PTPRQ: variants seen among roughly 807,000 people sequenced by gnomAD.
PTPRQ encodes the protein phosphatidylinositol phosphatase PTPRQ.
Under a neutral mutation model 246.0 loss-of-function variants are expected in PTPRQ, and 199 were observed. The observed-to-expected ratio is 0.81, with a 90% CI of 0.72 to 0.91. The LOEUF (loss-of-function observed/expected upper bound fraction) is 0.91, where lower values mean the gene tolerates loss of function less well. PTPRQ is among the 40% of genes least tolerant of loss of function. The pLI, the probability that PTPRQ is intolerant of heterozygous loss-of-function variation, is 0.00. For missense variants in PTPRQ, 2,624 were observed against 2,528.4 expected, an observed-to-expected ratio of 1.04 and a Z score of -0.81; for synonymous variants, 869 against 853.2, an observed-to-expected ratio of 1.02 and a Z score of -0.32.
intron 3 of PTPRQ, among the ~76,000 whole-genome samples, chr12:80,448,515 C>G (rs922405217): frequency 2.6e-5 from 4 of 151,604 alleles, no homozygotes; most frequent in African/African-American, 9.7e-5. Context: ...CCAATGCTAT[C>G]CCTCCCCACT....
chr12:80,564,338 G>T (rs551791009), intron 25 of PTPRQ, among the ~76,000 whole-genome samples: 1 of 152,194 alleles, frequency 6.6e-6, no homozygotes, highest in South Asian at 2.1e-4. Context: ...CTTGAGTGCT[G>T]CACTCTCTAG....
At chr12:80,473,710 A>G (rs1217893635) in intron 8 of PTPRQ, among the ~76,000 whole-genome samples, 1 of 152,226 alleles carries the variant, frequency 6.6e-6, no homozygotes, top group African/African-American at 2.4e-5. Flanking sequence ...GTCTTGGATT[A>G]TTTTAAAATT....
rs113862574 is a variant in PTPRQ at position 80,656,876 on chromosome 12, C to CA, written c.6116-1093dup. ...AAAGATATATTTATACCTCATTCCT[C>CA]AAAAAAAAAAAAAAAAGTCCCAATG... On this transcript the variant is annotated intron_variant, in intron 38 of 44. Transcript: ENST00000644991. Among the ~76,000 whole-genome samples, 1,117 of 113,538 alleles carry CA rather than the reference C, an allele frequency of 9.8e-3. 10 individuals carry two copies. The highest frequency in any genetic ancestry group is 0.039 in the South Asian group (149 of 3,842). 74.5% of individuals were successfully genotyped at this position (113,538 alleles called of 152,430 possible).
At chr12:80,629,576 AG>A (rs944104959) in intron 33 of PTPRQ, among the ~76,000 whole-genome samples, 1 of 152,102 alleles carries the variant, frequency 6.6e-6, no homozygotes, top group Admixed American at 6.6e-5. Context: ...GGGGACTGGA[AG>A]GGAAATCAGA....
intron 42 of PTPRQ, among the ~76,000 whole-genome samples, chr12:80,672,483 T>G (rs1199764046): frequency 6.6e-6 from 1 of 151,906 alleles, no homozygotes; most frequent in Non-Finnish European, 1.5e-5. Flanking sequence ...CTTTCAAAAA[T>G]TTTTTTCGAT....
At position 80,670,361 on chromosome 12, in the gene PTPRQ, T is replaced by C. The variant is rs1264893940; in HGVS notation, c.6471T>C (p.Thr2157=). 6.4e-7 allele frequency: 1 copy of C among 1,550,772 alleles called. No homozygotes were observed. Among genetic ancestry groups the C allele is most frequent in the Non-Finnish European group, 8.7e-7 (1 of 1,146,480 alleles). ...TTGTCTAGCATGGGGATTGCATGAC[T>C]GTTCGACAGTGTAACTTTACTGCCT... The part of the protein sequence containing the change: ...LKIERHGDCM[T]VRQCNFTAWP... The change falls in exon 42 of 45, where the codon ACT becomes ACC. Residue 2157 remains threonine (T), a synonymous_variant. Transcript: ENST00000644991.
intron 37 of PTPRQ, among the ~76,000 whole-genome samples, chr12:80,650,798 A>G (rs748560931): frequency 4.0e-5 from 6 of 151,316 alleles, no homozygotes; most frequent in Non-Finnish European, 5.9e-5. Flanking sequence ...TGCATGACCA[A>G]GTAGATAAAA....
intron 39 of PTPRQ, among the ~76,000 whole-genome samples, chr12:80,665,951 CCAGCAAGAATG>C (rs1900773765): frequency 1.3e-5 from 2 of 151,920 alleles, no homozygotes; most frequent in Non-Finnish European, 2.9e-5. Flanking sequence ...ATAACAAATG[CCAGCAAGAATG>C]CAGAGAAAGT....
intron 14 of PTPRQ, among the ~76,000 whole-genome samples, chr12:80,504,639 A>G (rs1894899270): frequency 6.6e-6 from 1 of 151,678 alleles, no homozygotes. Flanking sequence ...GTTTGTGTTG[A>G]AGTTGAGTTC....
At chr12:80,541,152 C>T (rs1405607935) in intron 20 of PTPRQ, among the ~76,000 whole-genome samples, 3 of 151,846 alleles carry the variant, frequency 2.0e-5, no homozygotes, top group Non-Finnish European at 2.9e-5. Flanking sequence ...CTTTAGTTTC[C>T]TCATATGTAC....
intron 40 of PTPRQ, 43 bp downstream of exon 40, chr12:80,669,184 G>C: frequency 1.3e-6 from 2 of 1,538,942 alleles, no homozygotes; most frequent in Non-Finnish European, 1.8e-6. Flanking sequence ...TTTTACGATT[G>C]TGTTAACATA....
intron 8 of PTPRQ, among the ~76,000 whole-genome samples, chr12:80,482,835 C>G: frequency 1.4e-5 from 2 of 138,758 alleles, no homozygotes; most frequent in South Asian, 2.2e-4. Context: ...GATATCATCT[C>G]ACACCAGTTA....
intron 19 of PTPRQ, among the ~76,000 whole-genome samples, chr12:80,538,097 A>T (rs1450273967): frequency 6.6e-6 from 1 of 152,082 alleles, no homozygotes. Context: ...CAACAGAGTG[A>T]GACTCTGTTT....
chr12:80,539,743 A>G (rs1451258970), intron 19 of PTPRQ, 33 bp from the exon 20 acceptor site: 3 of 1,496,684 alleles, frequency 2.0e-6, no homozygotes, highest in African/African-American at 1.4e-5. Context: ...CTAAAAAAAT[A>G]CATTCTGAAC....
chr12:80,534,285 T>C (rs1044378403), intron 18 of PTPRQ, 110 bp downstream of exon 18: 15 of 1,170,230 alleles, frequency 1.3e-5, no homozygotes, highest in African/African-American at 8.0e-5. Context: ...CTAATATTCA[T>C]CATCAGTTTG....
intron 25 of PTPRQ, among the ~76,000 whole-genome samples, chr12:80,563,285 CTTG>C (rs538039267): frequency 8.1e-4 from 124 of 152,182 alleles, no homozygotes; most frequent in Non-Finnish European, 1.5e-3. Context: ...ATGGTTCCTT[CTTG>C]TTGTGTCCTC....
intron 17 of PTPRQ, among the ~76,000 whole-genome samples, chr12:80,515,107 G>T (rs534855513): frequency 1.2e-3 from 179 of 152,066 alleles, no homozygotes; most frequent in African/African-American, 3.6e-3. Flanking sequence ...CGAAGGAAAT[G>T]GTCATAATTC....
chr12:80,604,436 A>T (rs1338734615), intron 26 of PTPRQ, among the ~76,000 whole-genome samples: 2 of 151,618 alleles, frequency 1.3e-5, no homozygotes, highest in Non-Finnish European at 1.5e-5. Context: ...AAAAATAACA[A>T]AGTAGGACAA....
chr12:80,632,827 T>C (rs909421906), intron 34 of PTPRQ, among the ~76,000 whole-genome samples: 1 of 152,090 alleles, frequency 6.6e-6, no homozygotes, highest in Non-Finnish European at 1.5e-5. Flanking sequence ...CAGGCTGAAA[T>C]TGGTAATAGA....
Sources: allele counts gnomAD v4.1 joint callset (sites outside exome capture counted in the v4.1 genomes callset), GRCh38; gene constraint gnomAD v4.1.1; transcripts MANE v1.5; gene names NCBI Gene and HGNC (gene_info 2026-07-23, HGNC 2026-07-21).